ERBB4: variants seen among roughly 807,000 people sequenced by gnomAD.
ERBB4 encodes the protein erb-b2 receptor tyrosine kinase 4.
Under a neutral mutation model 158.0 loss-of-function variants are expected in ERBB4, and 42 were observed. That is an observed-to-expected ratio of 0.27 (90% CI 0.21 to 0.34). ERBB4 has a LOEUF of 0.34. ERBB4 is among the 10% of genes least tolerant of loss of function. The pLI is 1.00. For missense variants in ERBB4, 1,333 were observed against 1,624.1 expected, an observed-to-expected ratio of 0.82 and a Z score of 3.08; for synonymous variants, 583 against 558.7, an observed-to-expected ratio of 1.04 and a Z score of -0.61.
intron 4 of ERBB4, among the ~76,000 whole-genome samples, chr2:211,786,454 C>T (rs1575146902): frequency 1.3e-5 from 2 of 152,172 alleles, no homozygotes; most frequent in East Asian, 1.9e-4. Flanking sequence ...TATGACTCTA[C>T]TCTGCATTTA....
At chr2:212,168,333 C>T (rs1023379579) in intron 1 of ERBB4, among the ~76,000 whole-genome samples, 1 of 152,034 alleles carries the variant, frequency 6.6e-6, no homozygotes, top group African/African-American at 2.4e-5. Context: ...ACAGTGTGTT[C>T]TATGAAATGA....
intron 2 of ERBB4, among the ~76,000 whole-genome samples, chr2:212,091,991 T>G (rs1453828814): frequency 2.0e-5 from 3 of 152,174 alleles, no homozygotes; most frequent in African/African-American, 4.8e-5. Context: ...TTCCTAATTA[T>G]ATGAAGATCC....
intron 1 of ERBB4, among the ~76,000 whole-genome samples, chr2:212,248,203 T>G (rs2084383406): frequency 6.6e-6 from 1 of 152,162 alleles, no homozygotes; most frequent in South Asian, 2.1e-4. Context: ...GTTTAGTGCC[T>G]TCATAATCAT....
intron 17 of ERBB4, among the ~76,000 whole-genome samples, chr2:211,625,302 C>A (rs1175436862): frequency 1.3e-5 from 2 of 152,144 alleles, no homozygotes; most frequent in African/African-American, 4.8e-5. Flanking sequence ...GAACCCACCA[C>A]AGTAATTCAA....
chr2:211,544,239 C>T lies in ERBB4; in HGVS notation c.2487+17664G>A, dbSNP rs182363087. 1.4e-3 allele frequency among the ~76,000 whole-genome samples: 213 copies of T among 152,170 alleles called. 1 individual carries two copies. Among genetic ancestry groups the T allele is most frequent in the Non-Finnish European group, 2.3e-3 (153 of 67,992 alleles). The stretch of plus-strand genomic sequence containing the variant: ...AATTTATTATATTGACATACATAGT[C>T]TGTGCTCTCCCATATTCTCTGCAAA... On this transcript the variant is annotated intron_variant, in intron 20 of 27. Transcript: ENST00000342788.
chr2:212,312,334 T>C (rs1278803234), intron 1 of ERBB4, among the ~76,000 whole-genome samples: 1 of 151,006 alleles, frequency 6.6e-6, no homozygotes, highest in African/African-American at 2.4e-5. Context: ...TTTTTTAATT[T>C]AGTGAAAGTT....
intron 25 of ERBB4, among the ~76,000 whole-genome samples, chr2:211,394,360 G>A (rs1470142282): frequency 6.6e-6 from 1 of 152,126 alleles, no homozygotes; most frequent in African/African-American, 2.4e-5. Flanking sequence ...TGCAAGTTCT[G>A]CATTTTTGTA....
At chr2:212,376,031 TGCCCTAATTGATGAA>T (rs149927205) in intron 1 of ERBB4, among the ~76,000 whole-genome samples, 5,402 of 152,122 alleles carry the variant, frequency 0.036, 139 homozygotes, top group Admixed American at 0.08. Context: ...CTCTTGTTCA[TGCCCTAATTGATGAA>T]GACCAATGAT....
intron 1 of ERBB4, among the ~76,000 whole-genome samples, chr2:212,290,065 C>T (rs2086148304): frequency 6.6e-6 from 1 of 152,014 alleles, no homozygotes; most frequent in African/African-American, 2.4e-5. Context: ...TATTTTTCAG[C>T]AGAAAAAAGA....
chr2:211,501,044 A>T (rs2065601709), intron 20 of ERBB4, among the ~76,000 whole-genome samples: 1 of 152,022 alleles, frequency 6.6e-6, no homozygotes, highest in Admixed American at 6.5e-5. Flanking sequence ...GTGCAATTCC[A>T]TTAAGAACAT....
At chr2:212,358,352 C>A (rs1304912701) in intron 1 of ERBB4, among the ~76,000 whole-genome samples, 1 of 151,192 alleles carries the variant, frequency 6.6e-6, no homozygotes, top group Non-Finnish European at 1.5e-5. Flanking sequence ...ACACTCAGTT[C>A]TTAGCACTTT....
chr2:211,629,451 C>T (rs1574887747), intron 17 of ERBB4, among the ~76,000 whole-genome samples: 4 of 152,158 alleles, frequency 2.6e-5, no homozygotes, highest in East Asian at 3.9e-4. Flanking sequence ...GAATCAATAT[C>T]GTGAAAATGG....
At chr2:211,626,979 A>G (rs1340853231) in intron 17 of ERBB4, among the ~76,000 whole-genome samples, 1 of 151,608 alleles carries the variant, frequency 6.6e-6, no homozygotes, top group African/African-American at 2.4e-5. Flanking sequence ...GTGTGTGTTT[A>G]TTTAGTAAGG....
chr2:211,954,125 T>C (rs2080962074), intron 2 of ERBB4, among the ~76,000 whole-genome samples: 1 of 152,026 alleles, frequency 6.6e-6, no homozygotes, highest in Non-Finnish European at 1.5e-5. Context: ...TTGATATAAA[T>C]CCCTAATTCT....
chr2:211,744,903 C>G (rs1306045466), intron 5 of ERBB4, among the ~76,000 whole-genome samples: 2 of 152,184 alleles, frequency 1.3e-5, no homozygotes, highest in Non-Finnish European at 1.5e-5. Flanking sequence ...AAGCTGAATA[C>G]TTCCAGAAAA....
chr2:211,712,294 C>A, intron 8 of ERBB4, 118 bp from the exon 9 acceptor site: 1 of 1,037,584 alleles, frequency 9.6e-7, no homozygotes, highest in Non-Finnish European at 1.4e-6. Flanking sequence ...AAATATATTA[C>A]AAATTTTGTT....
intron 1 of ERBB4, among the ~76,000 whole-genome samples, chr2:212,366,716 T>TAGCTTTTAAAAATGTCTC (rs1406009326): frequency 6.6e-6 from 1 of 151,944 alleles, no homozygotes; most frequent in Non-Finnish European, 1.5e-5. Context: ...TTATCAAGAA[T>TAGCTTTTAAAAATGTCTC]AGCTTTTAAA....
chr2:212,434,717 A>G (rs1037629270), intron 1 of ERBB4, among the ~76,000 whole-genome samples: 3 of 151,970 alleles, frequency 2.0e-5, no homozygotes, highest in African/African-American at 7.2e-5. Flanking sequence ...ATGTTCCAGC[A>G]GACACTTCTT....
chr2:211,765,109 T>G (rs901314018), intron 4 of ERBB4, among the ~76,000 whole-genome samples: 2 of 152,114 alleles, frequency 1.3e-5, no homozygotes, highest in Admixed American at 6.6e-5. Context: ...CTCACAATAT[T>G]TTAATCTATT....
Sources: allele counts gnomAD v4.1 joint callset (sites outside exome capture counted in the v4.1 genomes callset), GRCh38; gene constraint gnomAD v4.1.1; transcripts MANE v1.5; gene names NCBI Gene and HGNC (gene_info 2026-07-23, HGNC 2026-07-21).